Variants in RNF39 observed in about 807,000 individuals in gnomAD.
The protein encoded by RNF39 is ring finger protein 39.
A neutral mutation model predicts 29.2 loss-of-function variants in RNF39; 25 were observed. The ratio of observed to expected loss-of-function variants is 0.86; its 90% CI spans 0.62 to 1.20. RNF39 has a LOEUF of 1.20. Among genes scored for constraint, RNF39 ranks in the 50% most tolerant of loss-of-function variants. The pLI, the probability that RNF39 is intolerant of heterozygous loss-of-function variation, is 0.00. For synonymous variants in RNF39, 219 were observed against 229.0 expected (o/e 0.96, Z 0.40); for missense variants, 519 against 515.0 (o/e 1.01, Z -0.08).
chr6:30,075,652 C>A lies in RNF39; in HGVS notation c.-67G>T. ...TGACCGCCTTCGAGCGCGCAGATGG[C>A]GGGCCGCCCCTGCTGCTTGCTGTGT... On this transcript the variant is annotated 5_prime_UTR_variant, in exon 1 of 4. Transcript: ENST00000244360. 1 of 1,613,464 alleles carries A rather than the reference C, an allele frequency of 6.2e-7. No individual in the cohort carries two copies. The highest frequency in any genetic ancestry group is 8.5e-7 in the Non-Finnish European group (1 of 1,180,016).
In RNF39 at chr6:30,074,062, G is replaced by C. The variant is rs1281855340; in HGVS notation, c.364-584C>G. Reference sequence around the variant, plus strand: ...GCTTTGTGTCTCTGGACCCTGGCCAGGGAGGCAGCTAGACTTGAATGTGTC... The same window carrying C: ...GCTTTGTGTCTCTGGACCCTGGCCACGGAGGCAGCTAGACTTGAATGTGTC... On this transcript the variant is annotated intron_variant, in intron 1 of 3. Transcript: ENST00000244360. This position sits in a 1 kb window ranked among gnomAD's most constrained non-coding sequence, Gnocchi z 4.1. Among the ~76,000 whole-genome samples, 1 of 152,194 alleles carries C rather than the reference G, an allele frequency of 6.6e-6. No individual in the cohort carries two copies. The highest frequency in any genetic ancestry group is 1.5e-5 in the Non-Finnish European group (1 of 68,042).
chr6:30,070,950 A>C lies in RNF39; in HGVS notation c.*161T>G, dbSNP rs1175922995. 1 of 737,104 alleles carries C rather than the reference A, an allele frequency of 1.4e-6. No homozygotes were observed. The allele number at this position is 737,104 out of a possible 1,614,324, so 45.7% of individuals were successfully genotyped here. A position where few individuals can be genotyped will look rare whatever the true frequency, so the allele number is the denominator to read the frequency against. ...TGAGCAGGGACGTGGAAACGTGGAG[A>C]CCAGGTGAGGTCTCATTATTTTGGG... is the stretch of plus-strand genomic sequence containing the variant. On this transcript the variant is annotated 3_prime_UTR_variant, in exon 4 of 4. Coordinates refer to ENST00000244360, the MANE Select transcript of RNF39 (RefSeq NM_025236.4).
In RNF39 at chr6:30,075,392, C is replaced by G; in HGVS notation, c.194G>C (p.Cys65Ser). 1.9e-6 allele frequency: 3 copies of G among 1,566,382 alleles called. No individual in the cohort carries two copies. Among genetic ancestry groups the G allele is most frequent in the Non-Finnish European group, 2.6e-6 (3 of 1,159,468 alleles). ...GCGGCGGGGACACGGCAGGCCGCAG[C>G]AGGGACAGGCGGTGGGGGAAGCCTC... The part of the protein sequence containing the change: ...GTEASPTACP[C>S]CGLPCPRRSL... Residue 65 changes from cysteine (C) to serine (S), a missense_variant, in exon 1 of 4, where the codon TGC becomes TCC. Cys to Ser is a moderately radical substitution (Grantham distance 112). Coordinates refer to ENST00000244360, the MANE Select transcript of RNF39 (RefSeq NM_025236.4).
intron 3 of RNF39, 40 bp downstream of exon 3, chr6:30,073,117 C>A (rs750490333): frequency 7.4e-7 from 1 of 1,355,980 alleles, no homozygotes; most frequent in East Asian, 2.3e-5. Context: ...CTAACACAGA[C>A]TTTCATTCAA....
At position 30,072,753 on chromosome 6, in the gene RNF39, T is replaced by G. The variant is rs114314772; in HGVS notation, c.478+404A>C. On this transcript the variant is annotated intron_variant, in intron 3 of 3. Transcript: ENST00000244360. This position sits in a 1 kb window ranked among gnomAD's most constrained non-coding sequence, Gnocchi z 4.5. Reference sequence around the variant, plus strand: ...CAGGATCTTTACATAGGTAATCAAGTTAAAATGAAGGTCATTAGGGTGGGC... The same window carrying G: ...CAGGATCTTTACATAGGTAATCAAGGTAAAATGAAGGTCATTAGGGTGGGC... 9.8e-3 allele frequency among the ~76,000 whole-genome samples: 1,488 copies of G among 152,292 alleles called. 27 individuals are homozygous for G. Among genetic ancestry groups the G allele is most frequent in the African/African-American group, 0.034 (1,402 of 41,552 alleles).
Position 30,075,742 on chromosome 6 carries a change from C to T in RNF39, c.-157G>A. ...CTTTCCGCCCCTCTCCTGGGATTGC[C>T]TCTCTCTTCAACCAGAGTCTCAGTC... On this transcript the variant is annotated 5_prime_UTR_variant, in exon 1 of 4. Transcript: ENST00000244360. 3.1e-6 allele frequency: 5 copies of T among 1,614,246 alleles called. No individual in the cohort carries two copies. The highest frequency in any genetic ancestry group is 2.2e-5 in the East Asian group (1 of 44,880).
chr6:30,075,434 G>A lies in RNF39; in HGVS notation c.152C>T (p.Pro51Leu), dbSNP rs1477603643. ...GGAAGCCTCGGTGCCGGTCGCCGGC[G>A]GAGTCCCCCAGCGGCGGGCCAGACA... The part of the protein sequence containing the change: ...RACLARRWGT[P>L]PATGTEASPT... The change falls in exon 1 of 4, where the codon CCG becomes CTG. Residue 51 changes from proline to leucine, a missense_variant. By Grantham distance (98) the Pro-to-Leu change is moderately conservative. Coordinates refer to ENST00000244360, the MANE Select transcript of RNF39 (RefSeq NM_025236.4). 2 of 1,554,604 alleles carry A rather than the reference G, an allele frequency of 1.3e-6. No individual in the cohort carries two copies. Among genetic ancestry groups the A allele is most frequent in the East Asian group, 2.4e-5 (1 of 41,732 alleles).
chr6:30,075,477 G>A lies in RNF39; in HGVS notation c.109C>T (p.His37Tyr). Residue 37 changes from histidine to tyrosine, a missense_variant, in exon 1 of 4, where the codon CAC (histidine) becomes TAC (tyrosine). By Grantham distance (83) the His-to-Tyr change is moderately conservative. Coordinates refer to ENST00000244360, the MANE Select transcript of RNF39 (RefSeq NM_025236.4). Reference protein sequence around the residue: ...FEDPVLLACEHSFCRACLARR... With the variant: ...FEDPVLLACEYSFCRACLARR... ...GCCAGACACGCGCGGCAGAAGCTGT[G>A]CTCGCACGCCAGAAGCACCGGGTCC... 6.4e-7 allele frequency: 1 copy of A among 1,553,056 alleles called. No individual in the cohort carries two copies.
chr6:30,070,742 G>T lies in RNF39; in HGVS notation c.*369C>A, dbSNP rs1164031370. On this transcript the variant is annotated 3_prime_UTR_variant, in exon 4 of 4. Transcript: ENST00000244360. The stretch of plus-strand genomic sequence containing the variant: ...GGAGCTAGGAGTGGCAAGAGTGGGA[G>T]TCAAGTATTTGACCAGCAGAGCCTC... 1 of 492,174 alleles carries T rather than the reference G, an allele frequency of 2.0e-6. No homozygotes were observed. Among genetic ancestry groups the T allele is most frequent in the East Asian group, 5.4e-5 (1 of 18,632 alleles). The allele number at this position is 492,174 out of a possible 1,614,324, so 30.5% of individuals were successfully genotyped here. A position where few individuals can be genotyped will look rare whatever the true frequency, so the allele number is the denominator to read the frequency against.
rs534725662 is a variant in RNF39, at chr6:30,072,642, C to T, written c.478+515G>A. ...AATCGAGGATAGACATTGTTATAGG[C>T]TGAACTGTGCCCTCCCCCACTCCAC... On this transcript the variant is annotated intron_variant, in intron 3 of 3. Coordinates refer to ENST00000244360, the MANE Select transcript of RNF39 (RefSeq NM_025236.4). The surrounding 1 kb of genome is among the most constrained non-coding windows in gnomAD (Gnocchi z 4.5). 1.6e-4 allele frequency among the ~76,000 whole-genome samples: 24 copies of T among 150,892 alleles called. No individual in the cohort carries two copies. The highest frequency in any genetic ancestry group is 5.9e-4 in the African/African-American group (24 of 40,526).
At position 30,071,738 on chromosome 6, in the gene RNF39, A is replaced by G; in HGVS notation, c.479-47T>C. 7.3e-7 allele frequency: 1 copy of G among 1,362,066 alleles called. No individual in the cohort carries two copies. The highest frequency in any genetic ancestry group is 9.5e-7 in the Non-Finnish European group (1 of 1,049,178). 84.4% of individuals were successfully genotyped at this position (1,362,066 alleles called of 1,614,324 possible). A position where few individuals can be genotyped will look rare whatever the true frequency, so the allele number is the denominator to read the frequency against. On this transcript the variant is annotated intron_variant, in intron 3 of 3. Transcript: ENST00000244360. The surrounding 1 kb of genome is among the most constrained non-coding windows in gnomAD (Gnocchi z 5.0). Reference sequence around the variant, plus strand: ...GAGGACCTCATGAGAGAGTTTTCTAAATCACAGGCGGGGTAGGGTGGAGAA... The same window carrying G: ...GAGGACCTCATGAGAGAGTTTTCTAGATCACAGGCGGGGTAGGGTGGAGAA...
At position 30,072,201 on chromosome 6, in the gene RNF39, C is replaced by T. The variant is rs1360885294; in HGVS notation, c.479-510G>A. 2.0e-5 allele frequency among the ~76,000 whole-genome samples: 3 copies of T among 152,056 alleles called. No homozygotes were observed. Among genetic ancestry groups the T allele is most frequent in the Non-Finnish European group, 4.4e-5 (3 of 68,012 alleles). On this transcript the variant is annotated intron_variant, in intron 3 of 3. Coordinates refer to ENST00000244360, the MANE Select transcript of RNF39 (RefSeq NM_025236.4). The surrounding 1 kb of genome is among the most constrained non-coding windows in gnomAD (Gnocchi z 4.5). ...GTATCCTGAGAAACCAGCCCACCCA[C>T]CCACAGGAATTGGGGGGTGGGGTGG...
Position 30,074,692 on chromosome 6 carries a change from T to C in RNF39, c.363+531A>G, listed in dbSNP as rs1292766984. Among the ~76,000 whole-genome samples, 1 of 151,734 alleles carries C rather than the reference T, an allele frequency of 6.6e-6. No homozygotes were observed. Among genetic ancestry groups the C allele is most frequent in the Non-Finnish European group, 1.5e-5 (1 of 67,904 alleles). ...GTCAGTCCCCTCCTCCCCAGCTTTT[T>C]CTCCGCCCCCAACCCACCAGCCCAG... On this transcript the variant is annotated intron_variant, in intron 1 of 3. Transcript: ENST00000244360. This position sits in a 1 kb window ranked among gnomAD's most constrained non-coding sequence, Gnocchi z 4.1.
rs1355546468 is a variant in RNF39, at chr6:30,071,620, G to T, written c.550C>A (p.Leu184Met). ...GGCGCGGGCGTCCCTGGTGGGGCCAGTTGTACGCTGCGGCGGTCGGCGGAG... is the reference window on the plus strand; with the variant it reads ...GGCGCGGGCGTCCCTGGTGGGGCCATTTGTACGCTGCGGCGGTCGGCGGAG... Reference protein sequence around the residue: ...LISADRRSVQLAPPGTPAPPD... With the variant: ...LISADRRSVQMAPPGTPAPPD... Residue 184 changes from leucine (L) to methionine (M), a missense_variant, in exon 4 of 4, where the codon CTG becomes ATG. Coordinates refer to ENST00000244360, the MANE Select transcript of RNF39 (RefSeq NM_025236.4). The surrounding 1 kb of genome is among the most constrained non-coding windows in gnomAD (Gnocchi z 5.0). 1.1e-5 allele frequency: 16 copies of T among 1,451,366 alleles called. No individual in the cohort carries two copies. The highest frequency in any genetic ancestry group is 1.4e-5 in the Non-Finnish European group (15 of 1,108,092). 89.9% of individuals were successfully genotyped at this position (1,451,366 alleles called of 1,614,324 possible). A position where few individuals can be genotyped will look rare whatever the true frequency, so the allele number is the denominator to read the frequency against.
intron 1 of RNF39, 131 bp downstream of exon 1, chr6:30,075,092 T>G (rs1018737373): frequency 2.1e-6 from 2 of 974,662 alleles, no homozygotes; most frequent in African/African-American, 3.4e-5. Context: ...CCCTCATCCT[T>G]TGCTTTTCTC....
At position 30,071,260 on chromosome 6, in the gene RNF39, C is replaced by A. The variant is rs1200722313; in HGVS notation, c.910G>T (p.Glu304Ter). ...PRRIRVDLDW[E>*]RGRVAFYDGR... ...TCGTAGAAGGCCACGCGGCCCCGCT[C>A]CCAGTCCAGGTCCACGCGAATGCGC... The change falls in exon 4 of 4, where the codon GAG becomes TAG. Residue 304 changes from glutamate (E) to a stop codon, truncating the protein, a stop_gained. Transcript: ENST00000244360. LOFTEE classifies it high-confidence loss of function. The surrounding 1 kb of genome is among the most constrained non-coding windows in gnomAD (Gnocchi z 5.0). The A allele has an allele frequency of 2.0e-6, 3 of 1,511,980 alleles. No individual in the cohort carries two copies. The highest frequency in any genetic ancestry group is 2.6e-6 in the Non-Finnish European group (3 of 1,133,240). 93.7% of individuals were successfully genotyped at this position (1,511,980 alleles called of 1,614,324 possible). A position where few individuals can be genotyped will look rare whatever the true frequency, so the allele number is the denominator to read the frequency against.
rs1338086009 is a variant in RNF39, at chr6:30,072,224, T to C, written c.479-533A>G. Among the ~76,000 whole-genome samples, 3 of 151,758 alleles carry C rather than the reference T, an allele frequency of 2.0e-5. No homozygotes were observed. The East Asian group carries it at 5.8e-4, about 29-fold the overall frequency. On this transcript the variant is annotated intron_variant, in intron 3 of 3. Transcript: ENST00000244360. The surrounding 1 kb of genome is among the most constrained non-coding windows in gnomAD (Gnocchi z 4.5). ...CACCCACAGGAATTGGGGGGTGGGGTGGACAGTCCTATTTCTGTAGGGGTT... is the reference window on the plus strand; with the variant it reads ...CACCCACAGGAATTGGGGGGTGGGGCGGACAGTCCTATTTCTGTAGGGGTT...
chr6:30,071,442 T>C lies in RNF39; in HGVS notation c.728A>G (p.Tyr243Cys), dbSNP rs1156751932. 3.2e-6 allele frequency: 5 copies of C among 1,546,262 alleles called. No individual in the cohort carries two copies. The highest frequency in any genetic ancestry group is 2.8e-5 in the African/African-American group (2 of 71,736). Reference protein sequence around the residue: ...GEDADDEESHYAVGAAGESVQ... With the variant: ...GEDADDEESHCAVGAAGESVQ... Reference sequence around the variant, plus strand: ...TGATTCCCCGGCCGCGCCCACTGCATAGTGGCTCTCCTCGTCGTCCGCATC... The same window carrying C: ...TGATTCCCCGGCCGCGCCCACTGCACAGTGGCTCTCCTCGTCGTCCGCATC... The change falls in exon 4 of 4, where the codon TAT becomes TGT. Residue 243 changes from tyrosine (Y) to cysteine (C), a missense_variant. Transcript: ENST00000244360. The surrounding 1 kb of genome is among the most constrained non-coding windows in gnomAD (Gnocchi z 5.0).
Position 30,071,722 on chromosome 6 carries a change from A to C in RNF39, c.479-31T>G. ...GACGGGGAGGCAGGGAGAGGACCTCATGAGAGAGTTTTCTAAATCACAGGC... is the reference window on the plus strand; with the variant it reads ...GACGGGGAGGCAGGGAGAGGACCTCCTGAGAGAGTTTTCTAAATCACAGGC... On this transcript the variant is annotated intron_variant, in intron 3 of 3. Transcript: ENST00000244360. This position sits in a 1 kb window ranked among gnomAD's most constrained non-coding sequence, Gnocchi z 5.0. 102 of 1,381,588 alleles carry C rather than the reference A, an allele frequency of 7.4e-5. No individual in the cohort carries two copies. The highest frequency in any genetic ancestry group is 8.9e-5 in the Non-Finnish European group (95 of 1,068,654). 85.6% of individuals were successfully genotyped at this position (1,381,588 alleles called of 1,614,324 possible).
Sources: gnomAD v4.1 joint callset for allele counts (sites outside exome capture counted in the v4.1 genomes callset) on GRCh38, gnomAD v4.1.1 for gene constraint, Gnocchi (gnomAD v3.1) non-coding constraint, MANE v1.5 for transcripts, NCBI Gene and HGNC (gene_info 2026-07-23, HGNC 2026-07-21) for gene names.